The following SGCZ variants were observed in gnomAD, a reference collection of about 807,000 sequenced individuals.
SGCZ encodes the protein sarcoglycan zeta.
In SGCZ, 40 loss-of-function variants were observed where a neutral mutation model predicts 41.3. The ratio of observed to expected loss-of-function variants is 0.97; its 90% confidence interval spans 0.75 to 1.26. SGCZ has a LOEUF of 1.26. Among genes scored for constraint, SGCZ ranks in the 50% most tolerant of loss-of-function variants. SGCZ has a pLI of 0.00. For missense variants in SGCZ, 552 were observed against 369.8 expected (o/e 1.49, Z -4.04); for synonymous variants, 206 against 137.5 (o/e 1.50, Z -3.49).
intron 1 of SGCZ, among the ~76,000 whole-genome samples, chr8:14,710,731 T>C (rs1242875879): frequency 1.3e-5 from 2 of 152,178 alleles, no homozygotes; most frequent in East Asian, 1.9e-4. Flanking sequence ...CCTACTTTTA[T>C]AGAACCAAAA....
At chr8:14,402,932 T>A (rs563278092) in intron 2 of SGCZ, among the ~76,000 whole-genome samples, 1 of 149,966 alleles carries the variant, frequency 6.7e-6, no homozygotes, top group Non-Finnish European at 1.5e-5. Flanking sequence ...CATGGAATGT[T>A]CTTCCATTTG....
chr8:14,186,153 T>C (rs7016314), intron 4 of SGCZ, among the ~76,000 whole-genome samples: 113,949 of 152,170 alleles, frequency 0.75, 43,566 homozygotes, highest in African/African-American at 0.89. Flanking sequence ...TTTTCTGTAA[T>C]GACAATGTGA....
At chr8:14,656,060 G>T (rs1455889527) in intron 1 of SGCZ, among the ~76,000 whole-genome samples, 1 of 152,018 alleles carries the variant, frequency 6.6e-6, no homozygotes, top group African/African-American at 2.4e-5. Context: ...AGCTTCTGTA[G>T]GCATTTGTGT....
chr8:14,683,257 T>C (rs1298872311), intron 1 of SGCZ, among the ~76,000 whole-genome samples: 1 of 152,118 alleles, frequency 6.6e-6, no homozygotes, highest in Non-Finnish European at 1.5e-5. Context: ...TACAATCCAT[T>C]TTATACCCAA....
At chr8:15,106,921 G>C (rs1806848016) in intron 1 of SGCZ, among the ~76,000 whole-genome samples, 1 of 151,864 alleles carries the variant, frequency 6.6e-6, no homozygotes, top group Non-Finnish European at 1.5e-5. Flanking sequence ...AAAAATTCAG[G>C]ATTTGGTGTT....
At chr8:14,112,020 C>T (rs140749979) in intron 5 of SGCZ, among the ~76,000 whole-genome samples, 4,200 of 152,046 alleles carry the variant, frequency 0.028, 103 homozygotes, top group Admixed American at 0.066. Context: ...CATTATTCAC[C>T]GATTGACATC....
chr8:14,492,021 T>G (rs972636708), intron 2 of SGCZ, among the ~76,000 whole-genome samples: 5 of 152,220 alleles, frequency 3.3e-5, no homozygotes, highest in African/African-American at 1.2e-4. Context: ...CATTAATGTT[T>G]GTAAAAATTA....
intron 2 of SGCZ, among the ~76,000 whole-genome samples, chr8:14,549,675 G>C (rs1803741114): frequency 6.6e-6 from 1 of 152,026 alleles, no homozygotes; most frequent in Admixed American, 6.6e-5. Context: ...TACATATTTG[G>C]ATGAACCATA....
chr8:14,632,782 A>C (rs561527357), intron 1 of SGCZ, among the ~76,000 whole-genome samples: 59 of 152,166 alleles, frequency 3.9e-4, no homozygotes, highest in Non-Finnish European at 6.9e-4. Context: ...GTCAAAGTAA[A>C]CGGGTCATCC....
At chr8:14,923,695 T>C (rs768515181) in intron 1 of SGCZ, among the ~76,000 whole-genome samples, 4 of 152,214 alleles carry the variant, frequency 2.6e-5, no homozygotes, top group African/African-American at 4.8e-5. Context: ...GGAGAACAAT[T>C]GTTGCTGTTT....
Position 14,817,611 on chromosome 8 carries a change from A to T in SGCZ, c.40-262685T>A, listed in dbSNP as rs1801946856. ...TCACACAGGTGCCTACAGCACTACAACTCTGGATGCCTGGAGCCTAGGCCA... is the reference window on the plus strand; with the variant it reads ...TCACACAGGTGCCTACAGCACTACATCTCTGGATGCCTGGAGCCTAGGCCA... On this transcript the variant is annotated intron_variant, in intron 1 of 7. Coordinates refer to ENST00000382080, the MANE Select transcript of SGCZ (RefSeq NM_139167.4). 2.0e-5 allele frequency among the ~76,000 whole-genome samples: 3 copies of T among 152,180 alleles called. No individual in the cohort carries two copies. In the South Asian group the frequency reaches 6.2e-4, roughly 32 times the overall value.
chr8:15,026,647 G>C (rs1412132413), intron 1 of SGCZ, among the ~76,000 whole-genome samples: 3 of 152,158 alleles, frequency 2.0e-5, no homozygotes, highest in African/African-American at 4.8e-5. Context: ...AGCTCAGCTT[G>C]AGAGATTCAT....
intron 1 of SGCZ, among the ~76,000 whole-genome samples, chr8:14,988,907 G>C (rs1801917316): frequency 6.6e-6 from 1 of 152,250 alleles, no homozygotes; most frequent in African/African-American, 2.4e-5. Context: ...AACATTTGTG[G>C]GGAGGGGGGG....
chr8:14,855,907 A>G (rs1215881195), intron 1 of SGCZ, among the ~76,000 whole-genome samples: 2 of 152,186 alleles, frequency 1.3e-5, no homozygotes, highest in Admixed American at 1.3e-4. Flanking sequence ...ACAAAAGGAA[A>G]AGACCCAACT....
Position 14,569,863 on chromosome 8 carries a change from G to A in SGCZ, c.40-14937C>T, listed in dbSNP as rs546988665. ...TACTTGTTCAGGGTGGAGTGGGGAG[G>A]CAGATGCAGCCGGACCAGAGAGGTC... On this transcript the variant is annotated intron_variant, in intron 1 of 7. Coordinates refer to ENST00000382080, the MANE Select transcript of SGCZ (RefSeq NM_139167.4). Among the ~76,000 whole-genome samples the A allele has an allele frequency of 2.0e-5, 3 of 152,102 alleles. No homozygotes were observed. The East Asian group carries it at 5.8e-4, about 29-fold the overall frequency.
chr8:14,120,252 A>T (rs1355884298), intron 5 of SGCZ, among the ~76,000 whole-genome samples: 1 of 152,162 alleles, frequency 6.6e-6, no homozygotes, highest in African/African-American at 2.4e-5. Context: ...TAATTGACTG[A>T]TGGAGAACAA....
chr8:14,703,286 TA>T (rs1563213552), intron 1 of SGCZ, among the ~76,000 whole-genome samples: 1 of 151,982 alleles, frequency 6.6e-6, no homozygotes, highest in Non-Finnish European at 1.5e-5. Flanking sequence ...TCTTCTTGTC[TA>T]CACTGACATC....
chr8:15,236,752 C>T (rs1048810452), intron 1 of SGCZ, among the ~76,000 whole-genome samples: 3 of 152,200 alleles, frequency 2.0e-5, no homozygotes, highest in East Asian at 1.9e-4. Flanking sequence ...CGGATGCTCC[C>T]TCCGGGCAGG....
intron 4 of SGCZ, among the ~76,000 whole-genome samples, chr8:14,187,906 A>C (rs1804957770): frequency 6.6e-6 from 1 of 152,200 alleles, no homozygotes; most frequent in African/African-American, 2.4e-5. Context: ...AAAATGATGA[A>C]AGCCAAAGAC....
Sources: gnomAD v4.1 joint callset for allele counts (sites outside exome capture counted in the v4.1 genomes callset) on GRCh38, gnomAD v4.1.1 for gene constraint, MANE v1.5 for transcripts, NCBI Gene and HGNC (gene_info 2026-07-23, HGNC 2026-07-21) for gene names.